Variants in OGA observed in about 807,000 individuals in gnomAD.
The protein encoded by OGA is protein O-GlcNAcase.
Under a neutral mutation model 102.0 loss-of-function variants are expected in OGA, and 21 were observed. That is an observed-to-expected ratio of 0.21 (90% CI 0.15 to 0.30). The LOEUF is 0.30. Ranked by LOEUF, OGA falls within the 10% of genes least tolerant of loss-of-function variation. OGA has a pLI of 1.00. For missense variants in OGA, 765 were observed against 1,107.8 expected, an observed-to-expected ratio of 0.69 and a Z score of 4.39; for synonymous variants, 408 against 378.2, an observed-to-expected ratio of 1.08 and a Z score of -0.91.
At position 101,806,152 on chromosome 10, in the gene OGA, A is replaced by G. The variant is rs751235825; in HGVS notation, c.653-9T>C. The G allele has an allele frequency of 3.3e-6, 5 of 1,511,936 alleles. No homozygotes were observed. In the East Asian group the frequency reaches 9.0e-5, roughly 27 times the overall value. The allele number at this position is 1,511,936 out of a possible 1,614,324, so 93.7% of individuals were successfully genotyped here. A position where few individuals can be genotyped will look rare whatever the true frequency, so the allele number is the denominator to read the frequency against. ...GAAAGTGCCACAGTATTCTAAATGT[A>G]GGGAGAAAAGTAAAAAAGTCAGAAT... On this transcript the variant is annotated splice_polypyrimidine_tract_variant and intron_variant, in intron 5 of 15. Coordinates refer to ENST00000361464, the MANE Select transcript of OGA (RefSeq NM_012215.5).
At chr10:101,786,730 AATTCAT>A in intron 15 of OGA, 143 bp from the exon 16 acceptor site, 3 of 729,702 alleles carry the variant, frequency 4.1e-6, no homozygotes, top group Non-Finnish European at 5.9e-6. Flanking sequence ...CAATTAAAAA[AATTCAT>A]ATTCAAAAAA....
At chr10:101,791,521 G>T in intron 12 of OGA, 82 bp from the exon 13 acceptor site, 2 of 1,113,096 alleles carry the variant, frequency 1.8e-6, no homozygotes. Context: ...TCAGTCTGGG[G>T]AGGGAGTAAC....
Position 101,792,947 on chromosome 10 carries a change from T to G in OGA, c.2071-4A>C. The G allele has an allele frequency of 1.2e-6, 2 of 1,609,936 alleles. No individual in the cohort carries two copies. Among genetic ancestry groups the G allele is most frequent in the Non-Finnish European group, 1.7e-6 (2 of 1,176,598 alleles). On this transcript the variant is annotated splice_region_variant and splice_polypyrimidine_tract_variant and intron_variant, in intron 11 of 15. Transcript: ENST00000361464. ...CCCCATCAATTGGCAGCAAACGCTG[T>G]GGGAAGAAAAAAAAGGAGATGGATT...
rs914106299 is a variant in OGA at position 101,808,024 on chromosome 10, T to C, written c.481-123A>G. 3.5e-6 allele frequency: 3 copies of C among 846,978 alleles called. No homozygotes were observed. In the African/African-American group the frequency reaches 5.3e-5, roughly 15 times the overall value. 52.5% of individuals were successfully genotyped at this position (846,978 alleles called of 1,614,324 possible). A position where few individuals can be genotyped will look rare whatever the true frequency, so the allele number is the denominator to read the frequency against. On this transcript the variant is annotated intron_variant, in intron 4 of 15. Transcript: ENST00000361464. ...ACTAGAATGTTCAAAGACAGATTTA[T>C]TGTTTTTACATTTTCAATTAAAAAA...
chr10:101,804,684 G>C (rs553742771), intron 6 of OGA, among the ~76,000 whole-genome samples: 1 of 152,008 alleles, frequency 6.6e-6, no homozygotes, highest in East Asian at 1.9e-4. Context: ...TTGAGCTCCT[G>C]AGCTCAAGCA....
At chr10:101,793,139 A>T (rs2065277894) in intron 11 of OGA, among the ~76,000 whole-genome samples, 196 bp from the exon 12 acceptor site, 1 of 152,176 alleles carries the variant, frequency 6.6e-6, no homozygotes. Context: ...GAAATTACCC[A>T]CTCTGAGTTA....
intron 4 of OGA, among the ~76,000 whole-genome samples, chr10:101,809,823 C>A (rs796867820): frequency 2.8e-4 from 42 of 151,916 alleles, no homozygotes; most frequent in African/African-American, 9.9e-4. Flanking sequence ...TTGGGAAGAT[C>A]ATGAGGTGAG....
intron 10 of OGA, among the ~76,000 whole-genome samples, chr10:101,794,440 G>A (rs1333276473): frequency 6.6e-6 from 1 of 152,190 alleles, no homozygotes; most frequent in Non-Finnish European, 1.5e-5. Context: ...AAGGGTACAG[G>A]TAAGGGAAAA....
At chr10:101,791,679 T>C (rs910720783) in intron 12 of OGA, among the ~76,000 whole-genome samples, 12 of 152,252 alleles carry the variant, frequency 7.9e-5, no homozygotes, top group African/African-American at 2.9e-4. Context: ...GATGGTTTTT[T>C]TGTTTTTTGA....
At chr10:101,790,835 A>T (rs1173421035) in intron 14 of OGA, 61 bp downstream of exon 14, 7 of 1,240,790 alleles carry the variant, frequency 5.6e-6, no homozygotes, top group Non-Finnish European at 7.7e-6. Flanking sequence ...TTTAATAAAA[A>T]ATAAAAATAA....
At chr10:101,807,922 AGAATCAAGAGT>A in intron 4 of OGA, 21 bp from the exon 5 acceptor site, 1 of 1,465,040 alleles carries the variant, frequency 6.8e-7, no homozygotes, top group Non-Finnish European at 9.1e-7. Context: ...AAAAAAAAAA[AGAATCAAGAGT>A]AAAAAAATTA....
At chr10:101,809,967 C>A (rs773923023) in intron 4 of OGA, among the ~76,000 whole-genome samples, 2 of 150,254 alleles carry the variant, frequency 1.3e-5, no homozygotes, top group African/African-American at 4.9e-5. Context: ...CACTTGAACC[C>A]GGGAGGCGGA....
rs1293252986 is a variant in OGA at position 101,790,911 on chromosome 10, T to C, written c.2439A>G (p.Glu813=). The change falls in exon 14 of 16, where the codon GAA becomes GAG. Residue 813 remains glutamate (E), a synonymous_variant. Transcript: ENST00000361464. ...EKYTKPNGDK[E]LSEAEKIMLS... is the part of the protein sequence containing the mutation. Reference sequence around the variant, plus strand: ...TTTGTATTACCTCAGCCTCAGAGAGTTCCTTGTCACCATTTGGCTTGGTAT... The same window carrying C: ...TTTGTATTACCTCAGCCTCAGAGAGCTCCTTGTCACCATTTGGCTTGGTAT... 1.2e-6 allele frequency: 2 copies of C among 1,607,744 alleles called. No individual in the cohort carries two copies. The highest frequency in any genetic ancestry group is 1.7e-5 in the Admixed American group (1 of 59,524).
At chr10:101,786,893 G>A (rs1470222618) in intron 15 of OGA, among the ~76,000 whole-genome samples, 2 of 152,112 alleles carry the variant, frequency 1.3e-5, no homozygotes, top group Non-Finnish European at 2.9e-5. Context: ...TCAGCCTCCC[G>A]AGTAGCTGGG....
Position 101,784,940 on chromosome 10 carries a change from A to G in OGA, c.*1511T>C, listed in dbSNP as rs1468378202. On this transcript the variant is annotated 3_prime_UTR_variant, in exon 16 of 16. Coordinates refer to ENST00000361464, the MANE Select transcript of OGA (RefSeq NM_012215.5). Reference sequence around the variant, plus strand: ...AACCTTCTCTCCTTTCTTCTCACCTATTTAGTGCATACTCAAAGGCTTTGG... The same window carrying G: ...AACCTTCTCTCCTTTCTTCTCACCTGTTTAGTGCATACTCAAAGGCTTTGG... 1.3e-5 allele frequency: 2 copies of G among 152,154 alleles called. No homozygotes were observed. Among genetic ancestry groups the G allele is most frequent in the Admixed American group, 6.6e-5 (1 of 15,262 alleles). The allele number at this position is 152,154 out of a possible 1,614,324, so 9.4% of individuals were successfully genotyped here. A position where few individuals can be genotyped will look rare whatever the true frequency, so the allele number is the denominator to read the frequency against.
At chr10:101,790,676 C>A (rs2065251140) in intron 14 of OGA, among the ~76,000 whole-genome samples, 1 of 152,024 alleles carries the variant, frequency 6.6e-6, no homozygotes, top group South Asian at 2.1e-4. Flanking sequence ...CAATAGTACT[C>A]CCAAATAAAA....
chr10:101,812,829 T>C (rs1485394722), intron 3 of OGA: 16 of 644,736 alleles, frequency 2.5e-5, no homozygotes, highest in Admixed American at 1.9e-4. Flanking sequence ...AGCACGCCCA[T>C]GATATCACAC....
At chr10:101,805,791 T>TA in intron 6 of OGA, among the ~76,000 whole-genome samples, 1 of 148,282 alleles carries the variant, frequency 6.7e-6, no homozygotes, top group East Asian at 2.0e-4. Context: ...CTGTCTCTAC[T>TA]AAAAATACAA....
At position 101,790,000 on chromosome 10, in the gene OGA, T is replaced by C. The variant is rs113281291; in HGVS notation, c.2454+896A>G. On this transcript the variant is annotated intron_variant, in intron 14 of 15. Transcript: ENST00000361464. ...AAAACAACAACAACATATACTGATG[T>C]ATAAACCAAAATAATCACGTAATGT... Among the ~76,000 whole-genome samples the C allele has an allele frequency of 2.2e-3, 340 of 152,244 alleles. 1 individual carries two copies. The highest frequency in any genetic ancestry group is 4.4e-3 in the Admixed American group (67 of 15,268).
Sources: allele counts gnomAD v4.1 joint callset (sites outside exome capture counted in the v4.1 genomes callset), GRCh38; gene constraint gnomAD v4.1.1; transcripts MANE v1.5; gene names NCBI Gene and HGNC (gene_info 2026-07-23, HGNC 2026-07-21).